The following CLCN7 variants were observed in gnomAD, a reference collection of about 807,000 sequenced individuals.
CLCN7 encodes Cl-/H+ antiporter 7.
A neutral mutation model predicts 102.1 loss-of-function variants in CLCN7; 60 were observed. The ratio of observed to expected loss-of-function variants is 0.59; its 90% CI spans 0.48 to 0.73. The LOEUF (loss-of-function observed/expected upper bound fraction) is 0.73, where lower values mean the gene tolerates loss of function less well. Among genes scored for constraint, CLCN7 ranks in the 30% least tolerant of loss-of-function variants. The pLI, the probability that CLCN7 is intolerant of heterozygous loss-of-function variation, is 0.00. For missense variants in CLCN7, 962 were observed against 1,125.7 expected, an observed-to-expected ratio of 0.85 and a Z score of 2.08; for synonymous variants, 560 against 490.5, an observed-to-expected ratio of 1.14 and a Z score of -1.87.
intron 14 of CLCN7, 106 bp from the exon 15 acceptor site, chr16:1,452,999 C>T (rs1596216009): frequency 1.4e-6 from 2 of 1,468,908 alleles, no homozygotes; most frequent in Non-Finnish European, 1.9e-6. Flanking sequence ...GCCCGTGGTG[C>T]TTTTTGTTTG....
intron 2 of CLCN7, among the ~76,000 whole-genome samples, chr16:1,462,683 A>AAAAAAAAAAAAAAAAAAC (rs1471363912): frequency 6.6e-6 from 1 of 150,958 alleles, no homozygotes; most frequent in African/African-American, 2.5e-5. Context: ...AAAAAAAAAA[A>AAAAAAAAAAAAAAAAAAC]AAAACCAGGC....
In CLCN7 at chr16:1,446,502, C is replaced by G; in HGVS notation, c.*129G>C. On this transcript the variant is annotated 3_prime_UTR_variant, in exon 25 of 25. Coordinates refer to ENST00000382745, the MANE Select transcript of CLCN7 (RefSeq NM_001287.6). The stretch of plus-strand genomic sequence containing the variant: ...GTTCCGCGCCTGCCGCCTGCCCGCC[C>G]AGCTGCAGGGTGCTCGCCATTGCCA... 1.2e-6 allele frequency: 1 copy of G among 867,452 alleles called. No individual in the cohort carries two copies. The highest frequency in any genetic ancestry group is 1.4e-5 in the South Asian group (1 of 70,746). The allele number at this position is 867,452 out of a possible 1,614,324, so 53.7% of individuals were successfully genotyped here. A position where few individuals can be genotyped will look rare whatever the true frequency, so the allele number is the denominator to read the frequency against.
chr16:1,465,255 C>A lies in CLCN7; in HGVS notation c.213+12G>T. The A allele has an allele frequency of 2.5e-6, 4 of 1,611,620 alleles. No homozygotes were observed. Among genetic ancestry groups the A allele is most frequent in the East Asian group, 2.2e-5 (1 of 44,874 alleles). On this transcript the variant is annotated intron_variant, in intron 2 of 24. Transcript: ENST00000382745. ...TAGCTCTGCGGGAGGACGGGGAACA[C>A]CCCCAACTCACCGGGTCCAAAAGTT...
intron 15 of CLCN7, chr16:1,452,344 C>A: frequency 3.7e-6 from 1 of 267,128 alleles, no homozygotes. Flanking sequence ...GAGCGTAGTG[C>A]TTTCCAGGGC....
chr16:1,454,327 A>G, intron 13 of CLCN7, 84 bp downstream of exon 13: 1 of 1,415,146 alleles, frequency 7.1e-7, no homozygotes, highest in Non-Finnish European at 1.0e-6. Flanking sequence ...AGGGAGCCAC[A>G]GCCTCCAGTC....
chr16:1,461,870 C>T (rs983616433), intron 2 of CLCN7, among the ~76,000 whole-genome samples, 196 bp from the exon 3 acceptor site: 6 of 151,350 alleles, frequency 4.0e-5, no homozygotes, highest in Non-Finnish European at 8.9e-5. Flanking sequence ...GGACCAGCTG[C>T]GGTCAGGAGT....
rs710900 is a variant in CLCN7, at chr16:1,445,242, T to G, written c.*1389A>C. On this transcript the variant is annotated 3_prime_UTR_variant, in exon 25 of 25. Coordinates refer to ENST00000382745, the MANE Select transcript of CLCN7 (RefSeq NM_001287.6). ...GCCGCAGCCGCTGTCTTTCACGCCT[T>G]TCTCACTCCACACGGTGCCCCGACC... 138,009 of 152,138 alleles carry G rather than the reference T, an allele frequency of 0.91. 62,626 individuals carry two copies. The highest frequency in any genetic ancestry group is 0.95 in the East Asian group (4,857 of 5,130). The allele number at this position is 152,138 out of a possible 1,614,324, so 9.4% of individuals were successfully genotyped here.
At chr16:1,473,499 G>C (rs1310087466) in intron 1 of CLCN7, among the ~76,000 whole-genome samples, 2 of 141,564 alleles carry the variant, frequency 1.4e-5, no homozygotes, top group Non-Finnish European at 3.0e-5. Context: ...TCAGCCTCCC[G>C]AGTAGCTGGG....
rs879374511 is a variant in CLCN7 at position 1,445,348 on chromosome 16, G to A, written c.*1283C>T. ...CGACGCTGGCAAAGGCGGGCTGAGA[G>A]GATTTCTTTATTTCGCGTTCAGACC... On this transcript the variant is annotated 3_prime_UTR_variant, in exon 25 of 25. Coordinates refer to ENST00000382745, the MANE Select transcript of CLCN7 (RefSeq NM_001287.6). The A allele has an allele frequency of 2.0e-5, 3 of 152,360 alleles. No homozygotes were observed. The highest frequency in any genetic ancestry group is 6.5e-5 in the Admixed American group (1 of 15,294). 9.4% of individuals were successfully genotyped at this position (152,360 alleles called of 1,614,324 possible). A position where few individuals can be genotyped will look rare whatever the true frequency, so the allele number is the denominator to read the frequency against.
At chr16:1,458,612 C>T (rs1596221539) in intron 7 of CLCN7, among the ~76,000 whole-genome samples, 1 of 152,356 alleles carries the variant, frequency 6.6e-6, no homozygotes, top group East Asian at 1.9e-4. Flanking sequence ...TCAGACGGGA[C>T]GGGGCTGCGG....
chr16:1,457,408 T>C lies in CLCN7; in HGVS notation c.739-71A>G. ...CCTTCCTGGAGACCAGAAGGACCGATGCTCAGAGACACGCGTGACGCGGCC... is the reference window on the plus strand; with the variant it reads ...CCTTCCTGGAGACCAGAAGGACCGACGCTCAGAGACACGCGTGACGCGGCC... On this transcript the variant is annotated intron_variant, in intron 8 of 24. Coordinates refer to ENST00000382745, the MANE Select transcript of CLCN7 (RefSeq NM_001287.6). This position sits in a 1 kb window ranked among gnomAD's most constrained non-coding sequence, Gnocchi z 5.4. The C allele has an allele frequency of 1.4e-6, 2 of 1,422,630 alleles. No individual in the cohort carries two copies. The highest frequency in any genetic ancestry group is 2.0e-6 in the Non-Finnish European group (2 of 1,020,192). 88.1% of individuals were successfully genotyped at this position (1,422,630 alleles called of 1,614,324 possible). A position where few individuals can be genotyped will look rare whatever the true frequency, so the allele number is the denominator to read the frequency against.
chr16:1,468,377 C>T (rs1169812601), intron 1 of CLCN7, among the ~76,000 whole-genome samples: 1 of 152,254 alleles, frequency 6.6e-6, no homozygotes, highest in Non-Finnish European at 1.5e-5. Flanking sequence ...GGATGGGGCT[C>T]CGGCGCCTTG....
intron 1 of CLCN7, among the ~76,000 whole-genome samples, chr16:1,472,859 C>G (rs926801522): frequency 6.8e-6 from 1 of 147,980 alleles, no homozygotes. Flanking sequence ...ACCTCCTGGG[C>G]TCATGCGACT....
At chr16:1,448,615 C>G (rs1466798522) in intron 20 of CLCN7, 66 bp downstream of exon 20, 1 of 1,604,344 alleles carries the variant, frequency 6.2e-7, no homozygotes, top group Non-Finnish European at 8.5e-7. Flanking sequence ...AGCCGTGCAC[C>G]CTGCCCCTGT....
chr16:1,465,412 C>T (rs2038991633), intron 1 of CLCN7, 74 bp from the exon 2 acceptor site: 2 of 1,382,270 alleles, frequency 1.4e-6, no homozygotes, highest in Non-Finnish European at 2.0e-6. Context: ...ACTCCCGCCG[C>T]CGCACCCTGG....
intron 2 of CLCN7, 65 bp from the exon 3 acceptor site, chr16:1,461,739 C>T (rs555639577): frequency 8.3e-6 from 11 of 1,330,954 alleles, no homozygotes; most frequent in Non-Finnish European, 9.7e-6. Flanking sequence ...AGGCCCCTCT[C>T]AGCTCACACA....
At chr16:1,449,369 GC>G in intron 17 of CLCN7, 42 bp from the exon 18 acceptor site, 1 of 1,556,178 alleles carries the variant, frequency 6.4e-7, no homozygotes, top group Non-Finnish European at 8.7e-7. Context: ...GTGGTGGCAG[GC>G]CCAAACCCAC....
Position 1,452,851 on chromosome 16 carries a change from C to A in CLCN7, c.1257G>T (p.Leu419=). 2 of 1,582,540 alleles carry A rather than the reference C, an allele frequency of 1.3e-6. No individual in the cohort carries two copies. The highest frequency in any genetic ancestry group is 1.7e-6 in the Non-Finnish European group (2 of 1,164,634). ...CAACTGTGGCCGTGACGGCGGCCACCAGCACGGCCTCAATCACCTGCAGGC... is the reference window on the plus strand; with the variant it reads ...CAACTGTGGCCGTGACGGCGGCCACAAGCACGGCCTCAATCACCTGCAGGC... The part of the protein sequence containing the change: ...RPCLQVIEAV[L]VAAVTATVAF... The change falls in exon 15 of 25, where the codon CTG becomes CTT. Residue 419 remains leucine (L), a synonymous_variant. Transcript: ENST00000382745.
intron 20 of CLCN7, 70 bp downstream of exon 20, chr16:1,448,611 G>A: frequency 1.9e-6 from 3 of 1,603,898 alleles, no homozygotes; most frequent in African/African-American, 1.3e-5. Flanking sequence ...CGCAAGCCGT[G>A]CACCCTGCCC....
Sources: allele counts gnomAD v4.1 joint callset (sites outside exome capture counted in the v4.1 genomes callset), GRCh38; gene constraint gnomAD v4.1.1; non-coding constraint Gnocchi (gnomAD v3.1); transcripts MANE v1.5; gene names NCBI Gene and HGNC (gene_info 2026-07-23, HGNC 2026-07-21).